THSD7A: variants seen among roughly 807,000 people sequenced by gnomAD.
The protein encoded by THSD7A is thrombospondin type-1 domain-containing protein 7A.
A neutral mutation model predicts 231.3 loss-of-function variants in THSD7A; 96 were observed. The ratio of observed to expected loss-of-function variants is 0.41; its 90% CI spans 0.35 to 0.49. The LOEUF (loss-of-function observed/expected upper bound fraction) is 0.49, where lower values mean the gene tolerates loss of function less well. Among genes scored for constraint, THSD7A ranks in the 20% least tolerant of loss-of-function variants. The pLI is 0.05. For missense variants in THSD7A, 2,290 were observed against 2,070.2 expected (o/e 1.11, Z -2.06); for synonymous variants, 940 against 743.3 (o/e 1.26, Z -4.30).
rs187977230 is a variant in THSD7A, at chr7:11,553,475, G to T, written c.1454-10358C>A. 3.0e-3 allele frequency among the ~76,000 whole-genome samples: 451 copies of T among 152,066 alleles called. 1 individual carries two copies. The highest frequency in any genetic ancestry group is 4.7e-3 in the Non-Finnish European group (321 of 67,922). ...AGGACAGACCTAGGAAAAATTACTG[G>T]ATTTCAGTTTATACTGAGATTTCTA... is the stretch of plus-strand genomic sequence containing the variant. On this transcript the variant is annotated intron_variant, in intron 4 of 27. Coordinates refer to ENST00000423059, the MANE Select transcript of THSD7A (RefSeq NM_015204.3).
rs746201466 is a variant in THSD7A, at chr7:11,636,139, G to A, written c.1013C>T (p.Ala338Val). The A allele has an allele frequency of 1.4e-5, 23 of 1,609,692 alleles. No individual in the cohort carries two copies. Among genetic ancestry groups the A allele is most frequent in the Non-Finnish European group, 1.7e-5 (20 of 1,177,918 alleles). ...GTAATTAAAATGTTACCTTAAATCA[G>A]CAGCTTTCCCCGTCTTGTTAATGCA... ...VMCINKTGKA[A>V]DLSFCQQEKL... The change falls in exon 2 of 28, where the codon GCT becomes GTT. Residue 338 changes from alanine to valine, a missense_variant. Physicochemically the swap from Ala to Val is moderately conservative, Grantham distance 64. Transcript: ENST00000423059. This position sits in a 1 kb window ranked among gnomAD's most constrained non-coding sequence, Gnocchi z 10.0.
intron 16 of THSD7A, among the ~76,000 whole-genome samples, chr7:11,423,027 AT>A (rs1387480100): frequency 6.6e-6 from 1 of 152,152 alleles, no homozygotes; most frequent in African/African-American, 2.4e-5. Context: ...AAGAAAAAAA[AT>A]AATTTGAAAG....
At chr7:11,806,286 C>T (rs1784395771) in intron 1 of THSD7A, among the ~76,000 whole-genome samples, 1 of 151,954 alleles carries the variant, frequency 6.6e-6, no homozygotes, top group South Asian at 2.1e-4. Context: ...AATTAAATTC[C>T]ACATACACAT....
At position 11,743,034 on chromosome 7, in the gene THSD7A, C is replaced by A. The variant is rs114992960; in HGVS notation, c.190+88723G>T. Reference sequence around the variant, plus strand: ...ATCTGCTACTACATCAAGGTTCATTCAGTGGATAAAGATTAAGGAATCTTA... The same window carrying A: ...ATCTGCTACTACATCAAGGTTCATTAAGTGGATAAAGATTAAGGAATCTTA... On this transcript the variant is annotated intron_variant, in intron 1 of 27. Coordinates refer to ENST00000423059, the MANE Select transcript of THSD7A (RefSeq NM_015204.3). Among the ~76,000 whole-genome samples, 694 of 151,970 alleles carry A rather than the reference C, an allele frequency of 4.6e-3. 5 individuals are homozygous for A. The highest frequency in any genetic ancestry group is 0.016 in the African/African-American group (659 of 41,522).
chr7:11,818,594 A>G (rs1391373266), intron 1 of THSD7A, among the ~76,000 whole-genome samples: 1 of 152,174 alleles, frequency 6.6e-6, no homozygotes, highest in Non-Finnish European at 1.5e-5. Flanking sequence ...AAAATGTTGC[A>G]TCTCCCACTT....
Position 11,624,847 on chromosome 7 carries a change from TA to T in THSD7A, c.1022+11282del, listed in dbSNP as rs1781429099. 3.9e-5 allele frequency among the ~76,000 whole-genome samples: 6 copies of T among 152,280 alleles called. No individual in the cohort carries two copies. The South Asian group carries it at 1.2e-3, about 32-fold the overall frequency. ...CATCAAAGTTAGGGATAAGGCTTTA[TA>T]CAGAATTGGAACTAGGTAGTGACTA... On this transcript the variant is annotated intron_variant, in intron 2 of 27. Coordinates refer to ENST00000423059, the MANE Select transcript of THSD7A (RefSeq NM_015204.3).
intron 1 of THSD7A, among the ~76,000 whole-genome samples, chr7:11,703,437 G>A (rs1383556520): frequency 1.3e-5 from 2 of 151,148 alleles, no homozygotes; most frequent in Non-Finnish European, 3.0e-5. Context: ...TCAAACTTGA[G>A]TCAGTATAGA....
intron 13 of THSD7A, among the ~76,000 whole-genome samples, chr7:11,440,342 A>G (rs1351892968): frequency 3.3e-5 from 5 of 152,072 alleles, no homozygotes; most frequent in Admixed American, 6.6e-5. Flanking sequence ...TGCTAACACA[A>G]TATCTATTCT....
chr7:11,582,226 T>C (rs575224301), intron 4 of THSD7A, among the ~76,000 whole-genome samples: 1 of 151,828 alleles, frequency 6.6e-6, no homozygotes, highest in Non-Finnish European at 1.5e-5. Context: ...GCACATTACT[T>C]AATTATTAAT....
At chr7:11,769,147 A>ATG (rs1562541356) in intron 1 of THSD7A, among the ~76,000 whole-genome samples, 1 of 35,654 alleles carries the variant, frequency 2.8e-5, no homozygotes, top group Non-Finnish European at 6.1e-5. Flanking sequence ...ATATATATAT[A>ATG]TATATATTTT....
intron 2 of THSD7A, among the ~76,000 whole-genome samples, chr7:11,629,973 A>G (rs1268458551): frequency 6.6e-6 from 1 of 152,188 alleles, no homozygotes. Flanking sequence ...GCTGGGTCCC[A>G]GAAAGTGTAA....
intron 1 of THSD7A, among the ~76,000 whole-genome samples, chr7:11,706,062 T>A (rs1780754799): frequency 6.6e-6 from 1 of 151,042 alleles, no homozygotes; most frequent in African/African-American, 2.4e-5. Flanking sequence ...CTGGTTCTTA[T>A]AAAATGTTTC....
chr7:11,537,143 A>T (rs1240500228), intron 6 of THSD7A, among the ~76,000 whole-genome samples: 3 of 152,208 alleles, frequency 2.0e-5, no homozygotes, highest in African/African-American at 7.2e-5. Flanking sequence ...GAAGTATGAC[A>T]AGAACTACTT....
intron 2 of THSD7A, among the ~76,000 whole-genome samples, chr7:11,622,441 T>G (rs1440049697): frequency 2.0e-5 from 3 of 152,128 alleles, no homozygotes; most frequent in South Asian, 2.1e-4. Context: ...TTTGTATCTT[T>G]ACAATAATCC....
At chr7:11,387,311 C>A (rs992396142) in intron 23 of THSD7A, among the ~76,000 whole-genome samples, 1 of 152,044 alleles carries the variant, frequency 6.6e-6, no homozygotes, top group African/African-American at 2.4e-5. Flanking sequence ...GCAGTATGGC[C>A]ATTTTCACAA....
intron 1 of THSD7A, among the ~76,000 whole-genome samples, chr7:11,661,435 G>C (rs572976341): frequency 1.4e-3 from 208 of 151,092 alleles, no homozygotes; most frequent in African/African-American, 4.8e-3. Flanking sequence ...TTGTTTTCCA[G>C]AAAAATGGTA....
chr7:11,777,757 T>C (rs1341686115), intron 1 of THSD7A, among the ~76,000 whole-genome samples: 1 of 152,100 alleles, frequency 6.6e-6, no homozygotes, highest in Admixed American at 6.5e-5. Context: ...AGGGATGAAA[T>C]AAATGCTTTG....
chr7:11,604,332 G>A (rs1457980996), intron 2 of THSD7A, among the ~76,000 whole-genome samples: 1 of 152,044 alleles, frequency 6.6e-6, no homozygotes, highest in Non-Finnish European at 1.5e-5. Context: ...ATCATTGAAT[G>A]TCTACAAAGA....
In THSD7A at chr7:11,729,426, C is replaced by T. The variant is rs1583232530; in HGVS notation, c.191-92465G>A. Among the ~76,000 whole-genome samples, 4 of 151,764 alleles carry T rather than the reference C, an allele frequency of 2.6e-5. No individual in the cohort carries two copies. In the East Asian group the frequency reaches 7.8e-4, roughly 30 times the overall value. On this transcript the variant is annotated intron_variant, in intron 1 of 27. Coordinates refer to ENST00000423059, the MANE Select transcript of THSD7A (RefSeq NM_015204.3). ...CAAATAACATTCACTCATTGTATTC[C>T]TGGACAATAAATGCAGGAGAGAAAC...
Sources: allele counts gnomAD v4.1 joint callset (sites outside exome capture counted in the v4.1 genomes callset), GRCh38; gene constraint gnomAD v4.1.1; non-coding constraint Gnocchi (gnomAD v3.1); transcripts MANE v1.5; gene names NCBI Gene and HGNC (gene_info 2026-07-23, HGNC 2026-07-21).